The following PAK1 variants were observed in gnomAD, a reference collection of about 807,000 sequenced individuals.
PAK1 encodes serine/threonine-protein kinase PAK 1.
A neutral mutation model predicts 67.4 loss-of-function variants in PAK1; 29 were observed. That is an observed-to-expected ratio of 0.43 (90% CI 0.32 to 0.59). The LOEUF is 0.59. Among genes scored for constraint, PAK1 ranks in the 20% least tolerant of loss-of-function variants. The probability of loss-of-function intolerance (pLI) is 0.07; values close to 1 mark genes in which losing one functional copy is unlikely to be tolerated. For missense variants in PAK1, 337 were observed against 670.7 expected (o/e 0.50, Z 5.50); for synonymous variants, 223 against 237.4 (o/e 0.94, Z 0.56).
At chr11:77,459,407 T>TA (rs761035383) in intron 1 of PAK1, among the ~76,000 whole-genome samples, 10 of 151,958 alleles carry the variant, frequency 6.6e-5, no homozygotes, top group East Asian at 1.9e-4. Flanking sequence ...AATAAACTGG[T>TA]AAAAAAAACT....
At chr11:77,390,850 T>C (rs755614790) in intron 2 of PAK1, among the ~76,000 whole-genome samples, 1 of 152,084 alleles carries the variant, frequency 6.6e-6, no homozygotes, top group Non-Finnish European at 1.5e-5. Flanking sequence ...GAAGGTGAAG[T>C]AGAAGGACTC....
intron 9 of PAK1, among the ~76,000 whole-genome samples, chr11:77,344,937 A>G (rs1007032132): frequency 6.6e-6 from 1 of 152,166 alleles, no homozygotes; most frequent in Non-Finnish European, 1.5e-5. Context: ...AGAACACTCC[A>G]TGTTCTCCCT....
At chr11:77,452,618 A>G (rs1433101430) in intron 1 of PAK1, among the ~76,000 whole-genome samples, 1 of 152,110 alleles carries the variant, frequency 6.6e-6, no homozygotes, top group Admixed American at 6.5e-5. Flanking sequence ...GTAACTTTCT[A>G]AAAGAAAAAA....
intron 1 of PAK1, among the ~76,000 whole-genome samples, chr11:77,408,476 G>C (rs1953973774): frequency 6.6e-6 from 1 of 151,532 alleles, no homozygotes; most frequent in Admixed American, 6.6e-5. Context: ...TGGGGAGAAA[G>C]AGGAACCCTC....
At chr11:77,487,540 T>C in the PAK1 span, among the ~76,000 whole-genome samples, 1 of 151,822 alleles carries the variant, frequency 6.6e-6, no homozygotes, top group African/African-American at 2.4e-5. Context: ...GGATGGCATA[T>C]CTGGACCTTC....
Position 77,355,846 on chromosome 11 carries a change from C to T in PAK1, c.598-4G>A, listed in dbSNP as rs2136515875. ...CAATCACAGACCGTGTGTATACCTG[C>T]ATTATTAGTGCAAAATTTTGGCAAG... On this transcript the variant is annotated splice_region_variant and splice_polypyrimidine_tract_variant and intron_variant, in intron 6 of 14. Coordinates refer to ENST00000356341, the MANE Select transcript of PAK1 (RefSeq NM_002576.5). 1 of 1,612,198 alleles carries T rather than the reference C, an allele frequency of 6.2e-7. No homozygotes were observed. The highest frequency in any genetic ancestry group is 8.5e-7 in the Non-Finnish European group (1 of 1,178,784).
intron 1 of PAK1, among the ~76,000 whole-genome samples, chr11:77,409,084 A>G (rs2137959443): frequency 6.6e-6 from 1 of 151,782 alleles, no homozygotes; most frequent in East Asian, 1.9e-4. Context: ...GGGCAACATA[A>G]GGAGACCACA....
intron 1 of PAK1, among the ~76,000 whole-genome samples, chr11:77,436,161 T>G (rs944870499): frequency 6.6e-6 from 1 of 152,186 alleles, no homozygotes; most frequent in Non-Finnish European, 1.5e-5. Flanking sequence ...TGATTCCCAG[T>G]TCCAGGTTGG....
At chr11:77,528,889 G>C in the PAK1 span, among the ~76,000 whole-genome samples, 1 of 152,082 alleles carries the variant, frequency 6.6e-6, no homozygotes, top group Non-Finnish European at 1.5e-5. Context: ...TTCTTAATTG[G>C]TGTTGTATAC....
At chr11:77,371,380 C>T (rs1948405817) in intron 5 of PAK1, among the ~76,000 whole-genome samples, 3 of 152,142 alleles carry the variant, frequency 2.0e-5, no homozygotes, top group South Asian at 4.1e-4. Context: ...CCCTTATCTC[C>T]CCAGTCTGTC....
At chr11:77,503,342 C>T in the PAK1 span, among the ~76,000 whole-genome samples, 2 of 152,318 alleles carry the variant, frequency 1.3e-5, no homozygotes, top group East Asian at 3.9e-4. Context: ...CCAGCTGCTC[C>T]AGGAGGTGGT....
At chr11:77,390,786 GC>G (rs5792766) in intron 2 of PAK1, among the ~76,000 whole-genome samples, 10,298 of 151,556 alleles carry the variant, frequency 0.068, 792 homozygotes, top group East Asian at 0.24. Context: ...ACAGGCATGA[GC>G]CCCTGTGCCT....
At chr11:77,510,747 A>G in the PAK1 span, among the ~76,000 whole-genome samples, 1 of 152,234 alleles carries the variant, frequency 6.6e-6, no homozygotes, top group Non-Finnish European at 1.5e-5. Context: ...ACTTTGGGAA[A>G]GCCTCTATCT....
intron 5 of PAK1, among the ~76,000 whole-genome samples, chr11:77,359,776 T>C (rs145208958): frequency 0.011 from 1,658 of 152,084 alleles, 98 homozygotes; most frequent in Admixed American, 0.1. Context: ...CAGGCAAAAA[T>C]AGCATACCAT....
chr11:77,438,497 G>A (rs1053028135), intron 1 of PAK1, among the ~76,000 whole-genome samples: 58 of 152,164 alleles, frequency 3.8e-4, no homozygotes, highest in Admixed American at 3.0e-3. Context: ...AAATGTTTGT[G>A]GATGGAGCCC....
intron 1 of PAK1, among the ~76,000 whole-genome samples, chr11:77,410,661 A>T (rs1176705315): frequency 6.7e-6 from 1 of 150,026 alleles, no homozygotes; most frequent in Non-Finnish European, 1.5e-5. Flanking sequence ...TGAGGGGAGG[A>T]GGAAGGGTGA....
At chr11:77,334,836 A>C (rs1175856948) in intron 13 of PAK1, among the ~76,000 whole-genome samples, 2 of 152,134 alleles carry the variant, frequency 1.3e-5, no homozygotes, top group African/African-American at 2.4e-5. Flanking sequence ...GAGAAAAAAA[A>C]ACCTGTTTAT....
intron 9 of PAK1, among the ~76,000 whole-genome samples, chr11:77,347,801 A>G (rs559545022): frequency 1.3e-5 from 2 of 152,228 alleles, no homozygotes; most frequent in Non-Finnish European, 2.9e-5. Flanking sequence ...TGTAGTTCAT[A>G]AAGTTTATAA....
intron 2 of PAK1, among the ~76,000 whole-genome samples, chr11:77,392,055 T>C (rs1951207750): frequency 1.3e-5 from 2 of 152,216 alleles, no homozygotes; most frequent in Admixed American, 6.5e-5. Flanking sequence ...ATAAACAGTT[T>C]AAGAATTTAA....
Sources: gnomAD v4.1 joint callset for allele counts (sites outside exome capture counted in the v4.1 genomes callset) on GRCh38, gnomAD v4.1.1 for gene constraint, MANE v1.5 for transcripts, NCBI Gene and HGNC (gene_info 2026-07-23, HGNC 2026-07-21) for gene names.